Variants in NAA38 observed in about 807,000 individuals in gnomAD.
NAA38 encodes N-alpha-acetyltransferase 38, NatC auxiliary subunit, also known as LSM domain containing 1.
In NAA38, 15 loss-of-function variants were observed where a neutral mutation model predicts 12.6. That is an observed-to-expected ratio of 1.19 (90% CI 0.79 to 1.83). The LOEUF (loss-of-function observed/expected upper bound fraction) is 1.83, where lower values mean the gene tolerates loss of function less well. NAA38 is among the 40% of genes most tolerant of loss of function. NAA38 has a pLI of 0.00. For missense variants in NAA38, 183 were observed against 171.7 expected, an observed-to-expected ratio of 1.07 and a Z score of -0.37; for synonymous variants, 88 against 69.9, an observed-to-expected ratio of 1.26 and a Z score of -1.29.
At chr17:7,875,525 T>C (rs528222970) in intron 2 of NAA38, among the ~76,000 whole-genome samples, 1 of 152,264 alleles carries the variant, frequency 6.6e-6, no homozygotes, top group East Asian at 1.9e-4. Context: ...TTTGTAGAGA[T>C]AGTCTTGCTA....
intron 2 of NAA38, among the ~76,000 whole-genome samples, chr17:7,880,326 C>G (rs993498225): frequency 3.3e-5 from 5 of 150,064 alleles, no homozygotes; most frequent in African/African-American, 7.4e-5. Context: ...AGTGGAGAGA[C>G]ACAAAGATAG....
intron 2 of NAA38, among the ~76,000 whole-genome samples, chr17:7,882,069 A>G (rs895563990): frequency 6.6e-6 from 1 of 152,046 alleles, no homozygotes; most frequent in Non-Finnish European, 1.5e-5. Flanking sequence ...GGCAAAAGGG[A>G]GGATGGATGA....
chr17:7,866,838 C>A (rs1966992470), intron 2 of NAA38, among the ~76,000 whole-genome samples: 1 of 152,208 alleles, frequency 6.6e-6, no homozygotes, highest in Non-Finnish European at 1.5e-5. Flanking sequence ...GGGGCCACAG[C>A]TCTCATTTAT....
At chr17:7,883,869 G>A (rs1967379124) in intron 1 of NAA38, among the ~76,000 whole-genome samples, 2 of 151,810 alleles carry the variant, frequency 1.3e-5, no homozygotes, top group African/African-American at 4.8e-5. Context: ...GAAGGGAGGT[G>A]GGGAGGAAGA....
intron 2 of NAA38, among the ~76,000 whole-genome samples, chr17:7,872,786 A>G (rs113050467): frequency 0.022 from 3,350 of 152,326 alleles, 54 homozygotes; most frequent in Middle Eastern, 0.034. Context: ...ATTTATCAAT[A>G]ATCCTTTGCC....
At chr17:7,883,386 T>C (rs1967342344) in intron 1 of NAA38, 2 of 152,244 alleles carry the variant, frequency 1.3e-5, no homozygotes, top group Admixed American at 6.5e-5. Context: ...GATTTGACTC[T>C]TTCCTCTTTA....
At chr17:7,874,591 G>T (rs2151391411) in intron 2 of NAA38, among the ~76,000 whole-genome samples, 1 of 152,182 alleles carries the variant, frequency 6.6e-6, no homozygotes, top group East Asian at 1.9e-4. Context: ...GGCAACAGTA[G>T]AGATAAAGAA....
intron 2 of NAA38, among the ~76,000 whole-genome samples, chr17:7,872,450 A>G (rs1967102410): frequency 6.6e-6 from 1 of 152,116 alleles, no homozygotes; most frequent in Non-Finnish European, 1.5e-5. Context: ...GCTCACTGCA[A>G]CCTCCGCGTT....
At chr17:7,861,336 G>C (rs368717326), upstream of NAA38, 1 of 152,106 alleles carries the variant, frequency 6.6e-6, no homozygotes, top group Non-Finnish European at 1.5e-5. Context: ...TGTTGGCTTC[G>C]GCAGTATCTG....
chr17:7,859,284 GA>G (rs2078864091), upstream of NAA38: 2 of 932,828 alleles, frequency 2.1e-6, no homozygotes, highest in South Asian at 1.5e-5. Flanking sequence ...TAGAGTACCT[GA>G]AGCTGCTATC....
intron 2 of NAA38, among the ~76,000 whole-genome samples, chr17:7,882,832 C>T (rs1567820441): frequency 6.6e-6 from 1 of 152,210 alleles, no homozygotes; most frequent in Non-Finnish European, 1.5e-5. Flanking sequence ...CCCACCTACC[C>T]CTCCCTCTCA....
intron 2 of NAA38, among the ~76,000 whole-genome samples, chr17:7,872,719 AG>A (rs1473223486): frequency 1.3e-5 from 2 of 152,238 alleles, no homozygotes; most frequent in East Asian, 3.8e-4. Flanking sequence ...GTAAATGGTA[AG>A]GATCTACCTT....
At chr17:7,858,916 C>A, upstream of NAA38, 3 of 1,187,244 alleles carry the variant, frequency 2.5e-6, no homozygotes, top group South Asian at 3.3e-5. Context: ...TTTCCATAAC[C>A]GGTGGGAGTG....
At chr17:7,874,885 CA>C (rs35962141) in intron 2 of NAA38, among the ~76,000 whole-genome samples, 5,806 of 45,522 alleles carry the variant, frequency 0.13, 258 homozygotes, top group African/African-American at 0.3. Context: ...AACTCCATCT[CA>C]AAAAAAAAAA....
chr17:7,884,071 AAC>A (rs149257134), intron 1 of NAA38, among the ~76,000 whole-genome samples: 4,436 of 148,558 alleles, frequency 0.03, 97 homozygotes, highest in Non-Finnish European at 0.046. Flanking sequence ...ATGCCCCCCC[AAC>A]ACACACACAC....
In NAA38 at chr17:7,857,106, T is replaced by A; in HGVS notation, c.174A>T (p.Thr58=). The A allele has an allele frequency of 6.2e-7, 1 of 1,613,530 alleles. No homozygotes were observed. Among genetic ancestry groups the A allele is most frequent in the Non-Finnish European group, 8.5e-7 (1 of 1,180,042 alleles). The change falls in exon 2 of 3, where the codon ACA becomes ACT. Residue 58 remains threonine, a synonymous_variant. Transcript: ENST00000575771. The stretch of plus-strand genomic sequence containing the variant: ...AGCAGCCGACCAGTGTCCGTCCATC[T>A]GTCATGCGAATGCGCATAGTCTTGT... ...LLNKTMRIRM[T]DGRTLVGCFL... is the part of the protein sequence containing the mutation.
intron 2 of NAA38, among the ~76,000 whole-genome samples, chr17:7,876,140 G>C (rs1262493783): frequency 1.3e-5 from 2 of 151,702 alleles, no homozygotes; most frequent in Admixed American, 1.3e-4. Context: ...AATTATCTTG[G>C]GTGTACACTT....
chr17:7,867,933 T>C (rs1411932477), intron 2 of NAA38, among the ~76,000 whole-genome samples: 1 of 151,848 alleles, frequency 6.6e-6, no homozygotes. Flanking sequence ...GGATGGTGAG[T>C]CCACTGGCAG....
intron 2 of NAA38, among the ~76,000 whole-genome samples, chr17:7,871,822 T>G (rs1230455956): frequency 2.0e-5 from 3 of 152,100 alleles, no homozygotes; most frequent in Non-Finnish European, 2.9e-5. Context: ...GCCTGGCTAT[T>G]TTTTGTATTT....
Sources: gnomAD v4.1 joint callset for allele counts (sites outside exome capture counted in the v4.1 genomes callset) on GRCh38, gnomAD v4.1.1 for gene constraint, MANE v1.5 for transcripts, NCBI Gene and HGNC (gene_info 2026-07-23, HGNC 2026-07-21) for gene names.